SAMD5: variants seen among roughly 807,000 people sequenced by gnomAD.
The protein encoded by SAMD5 is sterile alpha motif domain-containing protein 5.
A neutral mutation model predicts 11.3 loss-of-function variants in SAMD5; 13 were observed. That is an observed-to-expected ratio of 1.15 (90% confidence interval 0.75 to 1.83). The LOEUF (loss-of-function observed/expected upper bound fraction) is 1.83. SAMD5 is among the 40% of genes most tolerant of loss of function. SAMD5 has a pLI of 0.00. For missense variants in SAMD5, 255 were observed against 239.1 expected, an observed-to-expected ratio of 1.07 and a Z score of -0.44; for synonymous variants, 129 against 111.3, an observed-to-expected ratio of 1.16 and a Z score of -1.00.
chr6:147,898,163 G>A, the SAMD5 span, among the ~76,000 whole-genome samples: 1 of 151,916 alleles, frequency 6.6e-6, no homozygotes, highest in Non-Finnish European at 1.5e-5. Context: ...ATACCCACAG[G>A]ACTTGGGCTT....
the SAMD5 span, among the ~76,000 whole-genome samples, chr6:147,950,631 A>G: frequency 6.6e-6 from 1 of 152,176 alleles, no homozygotes; most frequent in Non-Finnish European, 1.5e-5. Flanking sequence ...TAATGGGCAC[A>G]GTGGAAACCT....
At chr6:147,919,670 T>C in the SAMD5 span, among the ~76,000 whole-genome samples, 1 of 152,248 alleles carries the variant, frequency 6.6e-6, no homozygotes, top group African/African-American at 2.4e-5. Flanking sequence ...TCTGAAGACA[T>C]GTGGAATACC....
chr6:147,914,331 GACAACA>G, the SAMD5 span, among the ~76,000 whole-genome samples: 1 of 151,936 alleles, frequency 6.6e-6, no homozygotes, highest in Non-Finnish European at 1.5e-5. Flanking sequence ...AAAGAAAACA[GACAACA>G]ACAACAACGA....
chr6:147,796,511 G>A, the SAMD5 span, among the ~76,000 whole-genome samples: 1 of 152,110 alleles, frequency 6.6e-6, no homozygotes, highest in African/African-American at 2.4e-5. Flanking sequence ...GATGCCTCCA[G>A]CTTTGTTCTT....
the SAMD5 span, among the ~76,000 whole-genome samples, chr6:147,926,188 T>C: frequency 1.3e-5 from 2 of 152,194 alleles, no homozygotes; most frequent in Non-Finnish European, 2.9e-5. Flanking sequence ...TTTATATGCC[T>C]CTGACTTTGT....
intron 1 of SAMD5, among the ~76,000 whole-genome samples, chr6:147,690,826 G>T (rs1791090298): frequency 6.6e-6 from 1 of 152,110 alleles, no homozygotes; most frequent in Non-Finnish European, 1.5e-5. Context: ...AATTGGTCTA[G>T]AATTCCAGAT....
the SAMD5 span, among the ~76,000 whole-genome samples, chr6:147,813,750 A>T: frequency 6.6e-6 from 1 of 152,212 alleles, no homozygotes; most frequent in Non-Finnish European, 1.5e-5. Flanking sequence ...CTGTGGGGAC[A>T]GCTAATTTTC....
intron 1 of SAMD5, among the ~76,000 whole-genome samples, chr6:147,641,464 C>T (rs1224062212): frequency 6.6e-6 from 1 of 152,064 alleles, no homozygotes; most frequent in Non-Finnish European, 1.5e-5. Flanking sequence ...AGGAGACAGC[C>T]AGAGAAAGCA....
the SAMD5 span, among the ~76,000 whole-genome samples, chr6:147,827,859 G>T: frequency 6.6e-6 from 1 of 151,566 alleles, no homozygotes; most frequent in Non-Finnish European, 1.5e-5. Flanking sequence ...GCGCGATCTC[G>T]GCTCACTGCA....
At chr6:147,517,265 T>C (rs1055066732) in intron 1 of SAMD5, among the ~76,000 whole-genome samples, 11 of 152,350 alleles carry the variant, frequency 7.2e-5, no homozygotes, top group Admixed American at 3.3e-4. Context: ...TGAAGCTGTA[T>C]TGCTGGCCTT....
intron 1 of SAMD5, among the ~76,000 whole-genome samples, chr6:147,584,391 T>C (rs1309606425): frequency 1.3e-5 from 2 of 152,232 alleles, no homozygotes; most frequent in African/African-American, 4.8e-5. Flanking sequence ...ATCTACTGCT[T>C]CTGTCACTCT....
chr6:147,735,629 T>C (rs1468302295), intron 1 of SAMD5, among the ~76,000 whole-genome samples: 1 of 151,834 alleles, frequency 6.6e-6, no homozygotes, highest in Non-Finnish European at 1.5e-5. Flanking sequence ...TTTTAAAGTT[T>C]CAGAGATCGT....
intron 1 of SAMD5, among the ~76,000 whole-genome samples, chr6:147,681,448 TTA>T (rs1202921697): frequency 2.0e-5 from 3 of 152,166 alleles, no homozygotes; most frequent in Non-Finnish European, 4.4e-5. Context: ...GTTTTCTTGT[TTA>T]TATCAAATAT....
the SAMD5 span, among the ~76,000 whole-genome samples, chr6:147,763,082 G>A: frequency 2.0e-5 from 3 of 152,166 alleles, no homozygotes; most frequent in Non-Finnish European, 1.5e-5. Flanking sequence ...ATTGGAGTCT[G>A]ATGCAAAAGT....
chr6:147,575,228 G>T (rs1285132712), intron 1 of SAMD5, among the ~76,000 whole-genome samples: 6 of 152,116 alleles, frequency 3.9e-5, no homozygotes, highest in Non-Finnish European at 8.8e-5. Flanking sequence ...CAGGTTCTCT[G>T]GCCCAGGGAG....
chr6:147,576,568 C>G (rs1789220511), intron 1 of SAMD5, among the ~76,000 whole-genome samples: 1 of 152,168 alleles, frequency 6.6e-6, no homozygotes, highest in African/African-American at 2.4e-5. Context: ...TCACACTCTT[C>G]ACTACCAGGT....
At chr6:147,928,387 A>T in the SAMD5 span, among the ~76,000 whole-genome samples, 3 of 152,258 alleles carry the variant, frequency 2.0e-5, no homozygotes, top group South Asian at 6.2e-4. Context: ...CTCCTGGTTC[A>T]GTCTTGGCAG....
At chr6:147,617,906 G>C (rs1479516911) in intron 1 of SAMD5, among the ~76,000 whole-genome samples, 2 of 152,184 alleles carry the variant, frequency 1.3e-5, no homozygotes, top group Non-Finnish European at 2.9e-5. Context: ...AAAACTTACT[G>C]AGCAAGTGAG....
chr6:147,629,158 AC>A (rs1562337576), intron 1 of SAMD5, among the ~76,000 whole-genome samples: 1 of 152,028 alleles, frequency 6.6e-6, no homozygotes, highest in African/African-American at 2.4e-5. Flanking sequence ...AAACAAAAAA[AC>A]ATCAGCTAGG....
Sources: allele counts gnomAD v4.1 joint callset (sites outside exome capture counted in the v4.1 genomes callset), GRCh38; gene constraint gnomAD v4.1.1; transcripts MANE v1.5; gene names NCBI Gene and HGNC (gene_info 2026-07-23, HGNC 2026-07-21).